Variants in KAT6A observed in about 807,000 individuals in gnomAD.
KAT6A encodes the protein lysine acetyltransferase 6A, also known as histone acetyltransferase KAT6A.
KAT6A carries 9 observed loss-of-function variants against 198.4 expected under a neutral mutation model. The ratio of observed to expected loss-of-function variants is 0.05; its 90% CI spans 0.03 to 0.08. The LOEUF is 0.08. Ranked by LOEUF, KAT6A falls within the 10% of genes least tolerant of loss-of-function variation. The pLI is 1.00. For synonymous variants in KAT6A, 890 were observed against 883.0 expected, an observed-to-expected ratio of 1.01 and a Z score of -0.14; for missense variants, 2,077 against 2,509.9, an observed-to-expected ratio of 0.83 and a Z score of 3.69.
At chr8:41,952,657 C>A (rs1306844955) in intron 9 of KAT6A, among the ~76,000 whole-genome samples, 3 of 152,054 alleles carry the variant, frequency 2.0e-5, no homozygotes, top group African/African-American at 7.3e-5. Flanking sequence ...TGTTTTTGTA[C>A]GTTACAGTGT....
Position 41,930,941 on chromosome 8 carries a change from C to T in KAT6A, c.*1264G>A, listed in dbSNP as rs193241736. 92 of 209,742 alleles carry T rather than the reference C, an allele frequency of 4.4e-4. No homozygotes were observed. The Middle Eastern group carries it at 4.6e-3, about 11-fold the overall frequency. The allele number at this position is 209,742 out of a possible 1,614,324, so 13.0% of individuals were successfully genotyped here. A position where few individuals can be genotyped will look rare whatever the true frequency, so the allele number is the denominator to read the frequency against. On this transcript the variant is annotated 3_prime_UTR_variant, in exon 17 of 17. Coordinates refer to ENST00000265713, the MANE Select transcript of KAT6A (RefSeq NM_006766.5). ...CACTCACAGGAGAGGTGCTTGTGCACTCTGATTCACAGGGGATGAACTCAG... is the reference window on the plus strand; with the variant it reads ...CACTCACAGGAGAGGTGCTTGTGCATTCTGATTCACAGGGGATGAACTCAG...
intron 1 of KAT6A, among the ~76,000 whole-genome samples, 177 bp downstream of exon 1, chr8:42,051,724 G>A (rs977406196): frequency 8.9e-5 from 13 of 145,738 alleles, no homozygotes; most frequent in Non-Finnish European, 1.5e-4. Context: ...CGGGCGCGAG[G>A]GGGCGGCCAC....
At chr8:42,043,748 G>A (rs1827775378) in intron 2 of KAT6A, among the ~76,000 whole-genome samples, 1 of 152,148 alleles carries the variant, frequency 6.6e-6, no homozygotes. Flanking sequence ...CCTAAGAGGT[G>A]GTCAGTATGG....
intron 3 of KAT6A, among the ~76,000 whole-genome samples, chr8:41,986,810 G>C (rs558096244): frequency 6.6e-6 from 1 of 152,278 alleles, no homozygotes; most frequent in South Asian, 2.1e-4. Flanking sequence ...GGCCAAGGCA[G>C]GCAGATCACC....
At chr8:41,937,071 G>A (rs966723354) in intron 16 of KAT6A, among the ~76,000 whole-genome samples, 185 bp downstream of exon 16, 12 of 152,344 alleles carry the variant, frequency 7.9e-5, no homozygotes, top group African/African-American at 2.9e-4. Flanking sequence ...CTGAGTTGAA[G>A]GGAAAACACA....
In KAT6A at chr8:41,932,232, T is replaced by C; in HGVS notation, c.5988A>G (p.Ser1996=). ...YMNAAGVPKQ[S]LNGPYMRR is the part of the protein sequence containing the mutation. ...ATCTTCTCATGTAAGGTCCGTTGAGTGACTGCTTGGGCACGCCAGCAGCGT... is the reference window on the plus strand; with the variant it reads ...ATCTTCTCATGTAAGGTCCGTTGAGCGACTGCTTGGGCACGCCAGCAGCGT... Residue 1996 remains serine, a synonymous_variant, in exon 17 of 17, where the codon TCA becomes TCG. Coordinates refer to ENST00000265713, the MANE Select transcript of KAT6A (RefSeq NM_006766.5). 1 of 1,608,408 alleles carries C rather than the reference T, an allele frequency of 6.2e-7. No individual in the cohort carries two copies. The highest frequency in any genetic ancestry group is 8.5e-7 in the Non-Finnish European group (1 of 1,176,982).
intron 2 of KAT6A, among the ~76,000 whole-genome samples, chr8:42,048,095 A>C (rs6997392): frequency 6.6e-6 from 1 of 152,020 alleles, no homozygotes; most frequent in East Asian, 1.9e-4. Context: ...AAAAAAATTT[A>C]AAAAAAAGTT....
chr8:42,020,136 T>C (rs752917408), intron 2 of KAT6A, among the ~76,000 whole-genome samples: 15 of 152,198 alleles, frequency 9.9e-5, no homozygotes, highest in African/African-American at 2.9e-4. Context: ...TCTAGAACTA[T>C]AGCCTGCAAG....
At chr8:42,029,691 CAA>C (rs2150920996) in intron 2 of KAT6A, among the ~76,000 whole-genome samples, 1 of 151,292 alleles carries the variant, frequency 6.6e-6, no homozygotes, top group Admixed American at 6.6e-5. Context: ...CTCCTGGGTT[CAA>C]GCGATCCTCC....
At chr8:42,008,151 A>T (rs996788887) in intron 2 of KAT6A, among the ~76,000 whole-genome samples, 2 of 151,980 alleles carry the variant, frequency 1.3e-5, no homozygotes, top group Non-Finnish European at 2.9e-5. Context: ...CCCAAAAAAA[A>T]CCCTCAGCCA....
At chr8:42,022,307 T>C (rs4737026) in intron 2 of KAT6A, among the ~76,000 whole-genome samples, 105,022 of 151,856 alleles carry the variant, frequency 0.69, 36,968 homozygotes, top group African/African-American at 0.84. Flanking sequence ...TAACAGAAAT[T>C]TATCAGGTCA....
intron 8 of KAT6A, among the ~76,000 whole-genome samples, chr8:41,962,087 A>G (rs1823229869): frequency 6.6e-6 from 1 of 151,980 alleles, no homozygotes; most frequent in South Asian, 2.1e-4. Context: ...AAGGAACTAC[A>G]CCTTCATGTT....
At chr8:42,008,950 G>A (rs1825878266) in intron 2 of KAT6A, among the ~76,000 whole-genome samples, 1 of 152,130 alleles carries the variant, frequency 6.6e-6, no homozygotes, top group African/African-American at 2.4e-5. Context: ...GATGAAGAGA[G>A]CAATTTTTTA....
At chr8:41,984,481 C>T (rs1174892793) in intron 3 of KAT6A, among the ~76,000 whole-genome samples, 1 of 152,160 alleles carries the variant, frequency 6.6e-6, no homozygotes, top group Non-Finnish European at 1.5e-5. Context: ...CAGATGACTG[C>T]AGCACCAGTT....
chr8:41,949,193 A>T, intron 10 of KAT6A, 29 bp downstream of exon 10: 5 of 1,443,472 alleles, frequency 3.5e-6, no homozygotes, highest in Non-Finnish European at 4.6e-6. Flanking sequence ...GAAATGGATG[A>T]GAGGACAATT....
At chr8:42,043,216 A>G (rs1827750838) in intron 2 of KAT6A, among the ~76,000 whole-genome samples, 1 of 152,248 alleles carries the variant, frequency 6.6e-6, no homozygotes, top group Non-Finnish European at 1.5e-5. Context: ...ATAATGAATA[A>G]CTGAAGTAAA....
intron 2 of KAT6A, among the ~76,000 whole-genome samples, chr8:42,017,592 T>C (rs1826336200): frequency 6.6e-6 from 1 of 152,208 alleles, no homozygotes; most frequent in African/African-American, 2.4e-5. Context: ...CAGAAATATA[T>C]GTATAAAAAT....
rs540789067 is a variant in KAT6A at position 41,955,221 on chromosome 8, C to T, written c.1598+75G>A. ...ATGTAAAGGATAAGGTGGACTCAAA[C>T]ATCTTCAAGATCCCTTCCAGTTCCA... On this transcript the variant is annotated intron_variant, in intron 9 of 16. Transcript: ENST00000265713. 40 of 913,270 alleles carry T rather than the reference C, an allele frequency of 4.4e-5. No homozygotes were observed. The East Asian group carries it at 9.4e-4, about 21-fold the overall frequency. 56.6% of individuals were successfully genotyped at this position (913,270 alleles called of 1,614,324 possible). A position where few individuals can be genotyped will look rare whatever the true frequency, so the allele number is the denominator to read the frequency against.
At chr8:41,977,822 G>A (rs1824136844) in intron 6 of KAT6A, among the ~76,000 whole-genome samples, 1 of 152,130 alleles carries the variant, frequency 6.6e-6, no homozygotes, top group Non-Finnish European at 1.5e-5. Context: ...ATCAAAGCTT[G>A]ATTTAAGATT....
Sources: allele counts gnomAD v4.1 joint callset (sites outside exome capture counted in the v4.1 genomes callset), GRCh38; gene constraint gnomAD v4.1.1; transcripts MANE v1.5; gene names NCBI Gene and HGNC (gene_info 2026-07-23, HGNC 2026-07-21).